The following ATP8B2 variants were observed in gnomAD, a reference collection of about 807,000 sequenced individuals.
ATP8B2 encodes ATPase phospholipid transporting 8B2, also known as phospholipid-transporting ATPase ID.
Under a neutral mutation model 133.4 loss-of-function variants are expected in ATP8B2, and 70 were observed. That is an observed-to-expected ratio of 0.52 (90% CI 0.43 to 0.64). The LOEUF (loss-of-function observed/expected upper bound fraction) is 0.64, where lower values mean the gene tolerates loss of function less well. Ranked by LOEUF, ATP8B2 falls within the 30% of genes least tolerant of loss-of-function variation. ATP8B2 has a pLI of 0.00. For synonymous variants in ATP8B2, 517 were observed against 589.5 expected (o/e 0.88, Z 1.78); for missense variants, 1,101 against 1,535.7 (o/e 0.72, Z 4.73).
chr1:154,344,694 C>T lies in ATP8B2; in HGVS notation c.2195C>T (p.Thr732Ile), dbSNP rs142492689. 2.8e-4 allele frequency: 445 copies of T among 1,612,244 alleles called. No homozygotes were observed. The highest frequency in any genetic ancestry group is 2.5e-4 in the Non-Finnish European group (295 of 1,178,510). The change falls in exon 21 of 28, where the codon ACC (threonine) becomes ATC (isoleucine). Residue 732 changes from threonine (T) to isoleucine (I), a missense_variant. Physicochemically the swap from Thr to Ile is moderately conservative, Grantham distance 89 (BLOSUM62 -1). Coordinates refer to ENST00000368489, the MANE Select transcript of ATP8B2 (RefSeq NM_001370597.1). The surrounding 1 kb of genome is among the most constrained non-coding windows in gnomAD (Gnocchi z 4.1). ...TCCCGCTCCGTAGGCAACGGCTTCACCTATCAGGACAAGCTTTCTTCTTCC... is the reference window on the plus strand; with the variant it reads ...TCCCGCTCCGTAGGCAACGGCTTCATCTATCAGGACAAGCTTTCTTCTTCC... ...DSSRSVGNGFTYQDKLSSSKL... is the reference protein window; with the variant it reads ...DSSRSVGNGFIYQDKLSSSKL...
In ATP8B2 at chr1:154,331,503, A is replaced by G. The variant is rs369520291; in HGVS notation, c.363A>G (p.Gly121=). ...GCCAGTCTCAGGTGCTGATCAATGG[A>G]ATGTGAGTGCCTGTTGGAGACAAGA... ...NNRQSQVLIN[G]ILQQEQWMNV... Residue 121 remains glycine (G), a splice_region_variant and synonymous_variant, in exon 6 of 28, where the codon GGA becomes GGG. Transcript: ENST00000368489. This position sits in a 1 kb window ranked among gnomAD's most constrained non-coding sequence, Gnocchi z 4.8. The G allele has an allele frequency of 2.5e-6, 4 of 1,614,004 alleles. No homozygotes were observed. The highest frequency in any genetic ancestry group is 3.4e-6 in the Non-Finnish European group (4 of 1,179,998).
rs762131739 is a variant in ATP8B2, at chr1:154,349,334, C to A, written c.*216C>A. On this transcript the variant is annotated 3_prime_UTR_variant, in exon 28 of 28. Coordinates refer to ENST00000368489, the MANE Select transcript of ATP8B2 (RefSeq NM_001370597.1). ...GAGCTAGAGGGAGCAGGCCCAAGGG[C>A]AGAGCAGAGGCTGAGGCACGGGGAG... 48 of 677,400 alleles carry A rather than the reference C, an allele frequency of 7.1e-5. No homozygotes were observed. The highest frequency in any genetic ancestry group is 9.2e-5 in the Non-Finnish European group (38 of 414,390). The allele number at this position is 677,400 out of a possible 1,614,324, so 42.0% of individuals were successfully genotyped here.
chr1:154,335,937 G>T (rs1686164646), intron 11 of ATP8B2, among the ~76,000 whole-genome samples: 1 of 151,240 alleles, frequency 6.6e-6, no homozygotes, highest in South Asian at 2.1e-4. Context: ...TACTTGGGAG[G>T]TTGAGGCAGG....
Position 154,346,559 on chromosome 1 carries a change from T to A in ATP8B2, c.3025-61T>A. 1 of 1,611,098 alleles carries A rather than the reference T, an allele frequency of 6.2e-7. No individual in the cohort carries two copies. The stretch of plus-strand genomic sequence containing the variant: ...GGGGCTGCCCTGGGCACCACAGTTC[T>A]GTTTCTGGGGGAAGGGGCTTTTAGG... On this transcript the variant is annotated intron_variant, in intron 25 of 27. Coordinates refer to ENST00000368489, the MANE Select transcript of ATP8B2 (RefSeq NM_001370597.1). The surrounding 1 kb of genome is among the most constrained non-coding windows in gnomAD (Gnocchi z 4.5).
chr1:154,331,529 G>C lies in ATP8B2; in HGVS notation c.365+24G>C. The stretch of plus-strand genomic sequence containing the variant: ...ATGTGAGTGCCTGTTGGAGACAAGA[G>C]CTCTGGGGACGAAGGGGGTCCCTTA... On this transcript the variant is annotated intron_variant, in intron 6 of 27. Transcript: ENST00000368489. This position sits in a 1 kb window ranked among gnomAD's most constrained non-coding sequence, Gnocchi z 4.8. 1.2e-6 allele frequency: 2 copies of C among 1,613,994 alleles called. No homozygotes were observed. Among genetic ancestry groups the C allele is most frequent in the Non-Finnish European group, 8.5e-7 (1 of 1,179,844 alleles).
chr1:154,338,031 GGA>G (rs1686249901), intron 12 of ATP8B2, among the ~76,000 whole-genome samples: 2 of 152,246 alleles, frequency 1.3e-5, no homozygotes, highest in Non-Finnish European at 2.9e-5. Context: ...GTCGAGGAGG[GGA>G]GATCTGGACA....
At position 154,343,503 on chromosome 1, in the gene ATP8B2, A is replaced by G. The variant is rs765968615; in HGVS notation, c.1693A>G (p.Ile565Val). The G allele has an allele frequency of 2.5e-6, 4 of 1,614,056 alleles. No individual in the cohort carries two copies. Among genetic ancestry groups the G allele is most frequent in the South Asian group, 1.1e-5 (1 of 91,074 alleles). Residue 565 changes from isoleucine (I) to valine (V), a missense_variant, in exon 17 of 28, where the codon ATC becomes GTC. Transcript: ENST00000368489. This position sits in a 1 kb window ranked among gnomAD's most constrained non-coding sequence, Gnocchi z 5.8. The part of the protein sequence containing the change: ...IRLYCKGADT[I>V]LLDRLHHSTQ... Reference sequence around the variant, plus strand: ...ACTCTACTGCAAAGGGGCTGACACTATCCTACTGGACAGACTGCACCACTC... The same window carrying G: ...ACTCTACTGCAAAGGGGCTGACACTGTCCTACTGGACAGACTGCACCACTC...
Position 154,331,524 on chromosome 1 carries a change from C to T in ATP8B2, c.365+19C>T, listed in dbSNP as rs944529825. ...ATGGAATGTGAGTGCCTGTTGGAGA[C>T]AAGAGCTCTGGGGACGAAGGGGGTC... On this transcript the variant is annotated intron_variant, in intron 6 of 27. Coordinates refer to ENST00000368489, the MANE Select transcript of ATP8B2 (RefSeq NM_001370597.1). The surrounding 1 kb of genome is among the most constrained non-coding windows in gnomAD (Gnocchi z 4.8). The T allele has an allele frequency of 8.7e-6, 14 of 1,614,020 alleles. No homozygotes were observed. The highest frequency in any genetic ancestry group is 1.2e-5 in the Non-Finnish European group (14 of 1,179,874).
Position 154,345,349 on chromosome 1 carries a change from G to A in ATP8B2, c.2498G>A (p.Gly833Glu), listed in dbSNP as rs1686547922. ...KTAHIGVGIS[G>E]QEGIQAVLAS... is the part of the protein sequence containing the mutation. ...GCTCACATTGGTGTGGGGATCAGTG[G>A]GCAGGAAGGGATCCAGGCTGTCTTG... Residue 833 changes from glycine (G) to glutamate (E), a missense_variant, in exon 23 of 28, where the codon GGG becomes GAG. Transcript: ENST00000368489. The surrounding 1 kb of genome is among the most constrained non-coding windows in gnomAD (Gnocchi z 5.6). The A allele has an allele frequency of 1.2e-6, 2 of 1,614,090 alleles. No individual in the cohort carries two copies. The highest frequency in any genetic ancestry group is 1.7e-6 in the Non-Finnish European group (2 of 1,180,026).
intron 9 of ATP8B2, among the ~76,000 whole-genome samples, chr1:154,333,482 C>A (rs1301814996): frequency 6.9e-6 from 1 of 145,804 alleles, no homozygotes; most frequent in African/African-American, 2.6e-5. Context: ...CCAGCGTGGG[C>A]AACACAGTGA....
chr1:154,346,659 T>C lies in ATP8B2; in HGVS notation c.3064T>C (p.Phe1022Leu). Residue 1022 changes from phenylalanine (F) to leucine (L), a missense_variant, in exon 26 of 28, where the codon TTC (phenylalanine) becomes CTC (leucine). Transcript: ENST00000368489. The surrounding 1 kb of genome is among the most constrained non-coding windows in gnomAD (Gnocchi z 4.5). ...DTGYWTAINH[F>L]FIWGSLAVYF... Reference sequence around the variant, plus strand: ...AGGCTACTGGACGGCCATCAACCACTTCTTCATCTGGGGAAGCCTTGCTGT... The same window carrying C: ...AGGCTACTGGACGGCCATCAACCACCTCTTCATCTGGGGAAGCCTTGCTGT... 1 of 1,614,204 alleles carries C rather than the reference T, an allele frequency of 6.2e-7. No individual in the cohort carries two copies. Among genetic ancestry groups the C allele is most frequent in the African/African-American group, 1.3e-5 (1 of 75,054 alleles).
In ATP8B2 at chr1:154,348,845, C is replaced by T; in HGVS notation, c.3300C>T (p.Arg1100=). ...TTCCCTGTGCCCCTCTGCAGGTCCG[C>T]TACACACAGCTCGTGAGGAAGAAGC... The part of the protein sequence containing the change: ...NLKPDLSDTV[R]YTQLVRKKQK... The change falls in exon 28 of 28, where the codon CGC becomes CGT. Residue 1100 remains arginine, a synonymous_variant. Coordinates refer to ENST00000368489, the MANE Select transcript of ATP8B2 (RefSeq NM_001370597.1). 1.2e-6 allele frequency: 2 copies of T among 1,600,984 alleles called. No homozygotes were observed. The highest frequency in any genetic ancestry group is 1.7e-6 in the Non-Finnish European group (2 of 1,171,478).
intron 11 of ATP8B2, among the ~76,000 whole-genome samples, chr1:154,336,637 G>C (rs891084072): frequency 2.6e-5 from 4 of 151,648 alleles, no homozygotes; most frequent in African/African-American, 9.7e-5. Context: ...ACAGGTGCCC[G>C]CCACCACACC....
At chr1:154,330,655 T>A in intron 3 of ATP8B2, 160 bp from the exon 4 acceptor site, 1 of 751,804 alleles carries the variant, frequency 1.3e-6, no homozygotes, top group Non-Finnish European at 2.2e-6. Context: ...ATTGACCCCC[T>A]TGAGACTCCC....
In ATP8B2 at chr1:154,344,687, G is replaced by A. The variant is rs777251369; in HGVS notation, c.2188G>A (p.Gly730Ser). Residue 730 changes from glycine to serine, a missense_variant, in exon 21 of 28, where the codon GGC becomes AGC. Physicochemically the swap from Gly to Ser is moderately conservative, Grantham distance 56 (BLOSUM62 0). Transcript: ENST00000368489. The surrounding 1 kb of genome is among the most constrained non-coding windows in gnomAD (Gnocchi z 4.1). ...GGACTCATCCCGCTCCGTAGGCAAC[G>A]GCTTCACCTATCAGGACAAGCTTTC... Reference protein sequence around the residue: ...MMDSSRSVGNGFTYQDKLSSS... With the variant: ...MMDSSRSVGNSFTYQDKLSSS... 86 of 1,611,942 alleles carry A rather than the reference G, an allele frequency of 5.3e-5. No homozygotes were observed. The highest frequency in any genetic ancestry group is 6.7e-5 in the Non-Finnish European group (79 of 1,178,260).
At chr1:154,332,910 C>G (rs1382144915) in intron 9 of ATP8B2, among the ~76,000 whole-genome samples, 3 of 152,120 alleles carry the variant, frequency 2.0e-5, no homozygotes, top group Non-Finnish European at 4.4e-5. Context: ...TGATAGCTCC[C>G]CACTTGCTAT....
chr1:154,337,090 G>A (rs1025108796), intron 11 of ATP8B2, among the ~76,000 whole-genome samples: 13 of 147,912 alleles, frequency 8.8e-5, no homozygotes, highest in Admixed American at 2.1e-4. Flanking sequence ...GAGCCACTGC[G>A]CCCAGCCCAT....
In ATP8B2 at chr1:154,340,680, T is replaced by C. The variant is rs1211884162; in HGVS notation, c.1035-174T>C. On this transcript the variant is annotated intron_variant, in intron 12 of 27. Coordinates refer to ENST00000368489, the MANE Select transcript of ATP8B2 (RefSeq NM_001370597.1). This position sits in a 1 kb window ranked among gnomAD's most constrained non-coding sequence, Gnocchi z 4.0. The stretch of plus-strand genomic sequence containing the variant: ...TCGGGGCGTTCCTCTGCTGGCTGTG[T>C]GCAGCCGGCTCCACCTTCAGGCTCT... The C allele has an allele frequency of 7.8e-6, 5 of 642,792 alleles. No homozygotes were observed. Among genetic ancestry groups the C allele is most frequent in the Non-Finnish European group, 1.4e-5 (5 of 359,296 alleles). 39.8% of individuals were successfully genotyped at this position (642,792 alleles called of 1,614,324 possible).
Position 154,348,884 on chromosome 1 carries a change from C to T in ATP8B2, c.3339C>T (p.His1113=), listed in dbSNP as rs1300438175. The change falls in exon 28 of 28, where the codon CAC becomes CAT. Residue 1113 remains histidine, a synonymous_variant. Coordinates refer to ENST00000368489, the MANE Select transcript of ATP8B2 (RefSeq NM_001370597.1). ...QLVRKKQKAQ[H]RCMRRVGRTG... is the part of the protein sequence containing the mutation. ...TGAGGAAGAAGCAGAAGGCCCAGCA[C>T]CGCTGCATGCGGCGGGTTGGCCGCA... 3.1e-6 allele frequency: 5 copies of T among 1,613,254 alleles called. No individual in the cohort carries two copies. Among genetic ancestry groups the T allele is most frequent in the Non-Finnish European group, 4.2e-6 (5 of 1,179,542 alleles).
Sources: gnomAD v4.1 joint callset for allele counts (sites outside exome capture counted in the v4.1 genomes callset) on GRCh38, gnomAD v4.1.1 for gene constraint, Gnocchi (gnomAD v3.1) non-coding constraint, MANE v1.5 for transcripts, NCBI Gene and HGNC (gene_info 2026-07-23, HGNC 2026-07-21) for gene names.